The following BRDT variants were observed in gnomAD, a reference collection of about 807,000 sequenced individuals.
BRDT encodes the protein bromodomain testis associated, also known as bromodomain testis-specific protein.
A neutral mutation model predicts 113.9 loss-of-function variants in BRDT; 77 were observed. That is an observed-to-expected ratio of 0.68 (90% CI 0.56 to 0.82). BRDT has a LOEUF of 0.82. Among genes scored for constraint, BRDT ranks in the 40% least tolerant of loss-of-function variants. The pLI, the probability that BRDT is intolerant of heterozygous loss-of-function variation, is 0.00. For missense variants in BRDT, 1,027 were observed against 1,105.4 expected, an observed-to-expected ratio of 0.93 and a Z score of 1.01; for synonymous variants, 358 against 366.5, an observed-to-expected ratio of 0.98 and a Z score of 0.26.
At chr1:91,952,460 C>G (rs560688350) in intron 1 of BRDT, among the ~76,000 whole-genome samples, 1 of 151,836 alleles carries the variant, frequency 6.6e-6, no homozygotes. Context: ...GCTATGAGTC[C>G]GCTTCAGTAA....
rs1417850496 is a variant in BRDT, at chr1:91,976,441, A to G, written c.618+3A>G. On this transcript the variant is annotated splice_donor_region_variant and intron_variant, in intron 5 of 18. Transcript: ENST00000399546. ...CCAGTTCACAAACTGCGGCCCAAGT[A>G]AGTTTGTTGTAGTTTTTAAATCATT... 6.5e-7 allele frequency: 1 copy of G among 1,536,104 alleles called. No homozygotes were observed. Among genetic ancestry groups the G allele is most frequent in the African/African-American group, 1.4e-5 (1 of 70,416 alleles).
chr1:92,010,738 A>G (rs1687720501), intron 18 of BRDT, among the ~76,000 whole-genome samples: 1 of 152,234 alleles, frequency 6.6e-6, no homozygotes, highest in East Asian at 1.9e-4. Context: ...TGGGTTTATT[A>G]AAAATGTGTG....
intron 4 of BRDT, among the ~76,000 whole-genome samples, chr1:91,971,542 G>A (rs1557821343): frequency 6.6e-6 from 1 of 152,140 alleles, no homozygotes. Flanking sequence ...ATAATTTATG[G>A]CAAAGAAAAC....
intron 18 of BRDT, among the ~76,000 whole-genome samples, chr1:92,007,063 A>G (rs1687379227): frequency 6.6e-6 from 1 of 152,234 alleles, no homozygotes; most frequent in Non-Finnish European, 1.5e-5. Context: ...TGTTAGGATG[A>G]CAGGCATTAG....
chr1:91,987,450 C>T (rs1570571122), intron 12 of BRDT, among the ~76,000 whole-genome samples: 1 of 152,080 alleles, frequency 6.6e-6, no homozygotes, highest in East Asian at 1.9e-4. Context: ...TCTCCTGCCT[C>T]AGCCTCCTGT....
At chr1:91,961,474 T>TA (rs1682435574) in intron 1 of BRDT, among the ~76,000 whole-genome samples, 1 of 151,698 alleles carries the variant, frequency 6.6e-6, no homozygotes, top group African/African-American at 2.4e-5. Flanking sequence ...TACAAAAAAA[T>TA]ACAAAAATTA....
chr1:92,004,929 A>G lies in BRDT; in HGVS notation c.2595-190A>G, dbSNP rs111861116. ...TGGTTCATCTTGGCCACAGTTTTCCAAAACCATTTATTTGTTAATATGGAT... is the reference window on the plus strand; with the variant it reads ...TGGTTCATCTTGGCCACAGTTTTCCGAAACCATTTATTTGTTAATATGGAT... On this transcript the variant is annotated intron_variant, in intron 17 of 18. Transcript: ENST00000399546. Among the ~76,000 whole-genome samples, 51 of 152,330 alleles carry G rather than the reference A, an allele frequency of 3.3e-4. 1 individual carries two copies. Among genetic ancestry groups the G allele is most frequent in the African/African-American group, 1.2e-3 (51 of 41,574 alleles).
chr1:91,979,009 A>AAAAC (rs1684438382), intron 7 of BRDT, among the ~76,000 whole-genome samples: 1 of 129,574 alleles, frequency 7.7e-6, no homozygotes, highest in Non-Finnish European at 1.6e-5. Context: ...AAAAAAAAAA[A>AAAAC]AAAACAACAA....
intron 1 of BRDT, among the ~76,000 whole-genome samples, chr1:91,951,646 C>T (rs868044955): frequency 2.0e-5 from 3 of 150,638 alleles, no homozygotes; most frequent in Admixed American, 6.6e-5. Flanking sequence ...TGGTGGCACG[C>T]GCCTGTAATC....
At chr1:92,005,356 A>G in intron 18 of BRDT, 57 bp downstream of exon 18, 1 of 1,418,734 alleles carries the variant, frequency 7.0e-7, no homozygotes, top group Non-Finnish European at 9.3e-7. Flanking sequence ...TTAACAGAGC[A>G]CTGTCTTTTG....
chr1:91,963,593 G>A (rs1682733753), intron 2 of BRDT, among the ~76,000 whole-genome samples: 1 of 152,070 alleles, frequency 6.6e-6, no homozygotes. Context: ...TTTGACTTTA[G>A]GTCTTACGTT....
intron 3 of BRDT, among the ~76,000 whole-genome samples, chr1:91,966,834 G>C (rs946674333): frequency 6.6e-6 from 1 of 152,182 alleles, no homozygotes; most frequent in African/African-American, 2.4e-5. Flanking sequence ...ACTTTGGGAG[G>C]CCAAGGCGGG....
chr1:91,963,636 T>A (rs1682741987), intron 2 of BRDT, among the ~76,000 whole-genome samples: 1 of 152,176 alleles, frequency 6.6e-6, no homozygotes, highest in South Asian at 2.1e-4. Context: ...ATGCAATGGT[T>A]GAGTAGTTTA....
intron 16 of BRDT, 93 bp from the exon 17 acceptor site, chr1:92,004,321 T>TTA (rs1687099150): frequency 2.6e-6 from 2 of 773,536 alleles, no homozygotes; most frequent in Admixed American, 2.8e-5. Context: ...GAATCTTAAT[T>TTA]AGATCTATTG....
At chr1:92,010,630 T>C (rs1185323154) in intron 18 of BRDT, among the ~76,000 whole-genome samples, 2 of 152,174 alleles carry the variant, frequency 1.3e-5, no homozygotes, top group African/African-American at 4.8e-5. Context: ...CCTTTGAATT[T>C]CATTTTGGAT....
At chr1:91,990,693 G>A (rs1231757519) in intron 12 of BRDT, among the ~76,000 whole-genome samples, 4 of 152,138 alleles carry the variant, frequency 2.6e-5, no homozygotes, top group African/African-American at 9.7e-5. Context: ...CTTGAAAGCA[G>A]GTATCCCTTT....
intron 13 of BRDT, 110 bp downstream of exon 13, chr1:91,991,355 G>C (rs1570587073): frequency 5.8e-6 from 3 of 519,166 alleles, no homozygotes; most frequent in East Asian, 7.6e-5. Flanking sequence ...GAAGAAAGTT[G>C]TCACTGTTTT....
intron 1 of BRDT, among the ~76,000 whole-genome samples, chr1:91,961,537 G>A (rs1265090815): frequency 1.3e-5 from 2 of 152,020 alleles, no homozygotes; most frequent in African/African-American, 2.4e-5. Context: ...GCTGAGGCTA[G>A]AGAATCGCTT....
At chr1:91,979,790 T>C (rs2101668036) in intron 8 of BRDT, 33 bp downstream of exon 8, 1 of 1,559,146 alleles carries the variant, frequency 6.4e-7, no homozygotes, top group Non-Finnish European at 8.7e-7. Flanking sequence ...ATTTTGATAA[T>C]CTATGAGCTG....
Sources: allele counts gnomAD v4.1 joint callset (sites outside exome capture counted in the v4.1 genomes callset), GRCh38; gene constraint gnomAD v4.1.1; transcripts MANE v1.5; gene names NCBI Gene and HGNC (gene_info 2026-07-23, HGNC 2026-07-21).